The following PCDH7 variants were observed in gnomAD, a reference collection of about 807,000 sequenced individuals.
The protein encoded by PCDH7 is protocadherin 7, also known as protocadherin-7.
A neutral mutation model predicts 58.9 loss-of-function variants in PCDH7; 17 were observed. The ratio of observed to expected loss-of-function variants is 0.29; its 90% CI spans 0.20 to 0.43. The LOEUF (loss-of-function observed/expected upper bound fraction) is 0.43. Ranked by LOEUF, PCDH7 falls within the 20% of genes least tolerant of loss-of-function variation. The pLI is 1.00. For missense variants in PCDH7, 1,274 were observed against 1,441.0 expected (o/e 0.88, Z 1.88); for synonymous variants, 664 against 616.4 (o/e 1.08, Z -1.14).
intron 1 of PCDH7, among the ~76,000 whole-genome samples, chr4:30,891,208 A>T (rs1264714095): frequency 2.0e-5 from 3 of 152,104 alleles, no homozygotes; most frequent in African/African-American, 7.2e-5. Context: ...TTAATGGTAT[A>T]GTGAACAATT....
chr4:30,800,326 A>G (rs1725373301), intron 1 of PCDH7, among the ~76,000 whole-genome samples: 1 of 152,048 alleles, frequency 6.6e-6, no homozygotes, highest in Non-Finnish European at 1.5e-5. Flanking sequence ...ATACACATAC[A>G]TTTGTATATA....
intron 1 of PCDH7, among the ~76,000 whole-genome samples, chr4:30,882,994 C>T (rs1737193546): frequency 6.6e-6 from 1 of 152,222 alleles, no homozygotes; most frequent in African/African-American, 2.4e-5. Flanking sequence ...ATTTCCCTTT[C>T]AGTGTGATAC....
intron 3 of PCDH7, among the ~76,000 whole-genome samples, chr4:31,075,256 G>A (rs917115533): frequency 6.6e-6 from 1 of 151,998 alleles, no homozygotes; most frequent in African/African-American, 2.4e-5. Context: ...TCTTTTGCAT[G>A]GTACGATACT....
chr4:30,794,576 A>C (rs1177461175), intron 1 of PCDH7, among the ~76,000 whole-genome samples: 2 of 152,052 alleles, frequency 1.3e-5, no homozygotes, highest in African/African-American at 4.8e-5. Context: ...ATCTAATTTC[A>C]TTGTTATGCA....
At chr4:31,132,406 T>C (rs184773046) in intron 3 of PCDH7, among the ~76,000 whole-genome samples, 1 of 152,272 alleles carries the variant, frequency 6.6e-6, no homozygotes, top group East Asian at 1.9e-4. Context: ...CTTTATGTAC[T>C]ATTTTTAAAG....
intron 3 of PCDH7, among the ~76,000 whole-genome samples, chr4:31,097,607 TATA>T: frequency 3.3e-5 from 1 of 30,732 alleles, no homozygotes; most frequent in Non-Finnish European, 4.9e-5. Flanking sequence ...TATATATATA[TATA>T]TATATATATA....
intron 1 of PCDH7, among the ~76,000 whole-genome samples, chr4:30,880,196 T>C (rs940454751): frequency 2.0e-5 from 3 of 151,544 alleles, no homozygotes; most frequent in Non-Finnish European, 4.4e-5. Flanking sequence ...AAATAGTCAA[T>C]GGCAAAAGGC....
intron 3 of PCDH7, among the ~76,000 whole-genome samples, chr4:31,057,129 T>A (rs773130904): frequency 9.2e-5 from 14 of 152,202 alleles, no homozygotes; most frequent in Non-Finnish European, 1.8e-4. Context: ...CTGTGAGATC[T>A]TTTTTCTTAT....
chr4:30,723,690 G>C lies in PCDH7; in HGVS notation c.2268G>C (p.Ser756=), dbSNP rs201000020. Residue 756 remains serine, a synonymous_variant, in exon 1 of 2, where the codon TCG becomes TCC. Transcript: ENST00000361762. This position sits in a 1 kb window ranked among gnomAD's most constrained non-coding sequence, Gnocchi z 4.6. The stretch of plus-strand genomic sequence containing the variant: ...TTTCCTACACTTTACTGCCACCTTC[G>C]AGTAATGTCAGGACAGTAGTAGCTA... The C allele has an allele frequency of 5.6e-6, 9 of 1,614,094 alleles. No homozygotes were observed. Among genetic ancestry groups the C allele is most frequent in the Admixed American group, 1.7e-5 (1 of 60,024 alleles).
chr4:30,844,677 C>A (rs1275212240), intron 1 of PCDH7, among the ~76,000 whole-genome samples: 2 of 152,236 alleles, frequency 1.3e-5, no homozygotes, highest in East Asian at 3.9e-4. Flanking sequence ...ATATGTTTTG[C>A]TGTAGATATA....
At chr4:30,886,018 T>A (rs6834945) in intron 1 of PCDH7, among the ~76,000 whole-genome samples, 4,852 of 151,424 alleles carry the variant, frequency 0.032, 257 homozygotes, top group African/African-American at 0.11. Flanking sequence ...CCATAAAAAC[T>A]CTAGAAGAAA....
intron 3 of PCDH7, among the ~76,000 whole-genome samples, chr4:31,128,408 T>C (rs1718575766): frequency 6.6e-6 from 1 of 152,172 alleles, no homozygotes; most frequent in South Asian, 2.1e-4. Flanking sequence ...CAGTAGTTCT[T>C]ATCACAATGC....
intron 3 of PCDH7, among the ~76,000 whole-genome samples, chr4:31,017,310 A>T (rs2109162706): frequency 6.6e-6 from 1 of 152,300 alleles, no homozygotes; most frequent in East Asian, 1.9e-4. Context: ...TATTTTTTTA[A>T]AAAATAATTT....
chr4:30,721,654 G>C lies in PCDH7; in HGVS notation c.232G>C (p.Asp78His). 6.2e-7 allele frequency: 1 copy of C among 1,613,928 alleles called. No homozygotes were observed. The highest frequency in any genetic ancestry group is 1.6e-4 in the Middle Eastern group (1 of 6,062). ...GTCCGGTTCCGAGTACCTGAAGATC[G>C]ACAACCTCACTGGCGAGCTGAGCAC... The change falls in exon 1 of 2, where the codon GAC (aspartate) becomes CAC (histidine). Residue 78 changes from aspartate (D) to histidine (H), a missense_variant. Transcript: ENST00000361762. The surrounding 1 kb of genome is among the most constrained non-coding windows in gnomAD (Gnocchi z 6.7).
At chr4:30,868,802 T>G (rs1004237796) in intron 1 of PCDH7, among the ~76,000 whole-genome samples, 6 of 152,120 alleles carry the variant, frequency 3.9e-5, no homozygotes, top group Non-Finnish European at 8.8e-5. Flanking sequence ...TTGTGATGCA[T>G]CTGTATAGCC....
intron 1 of PCDH7, among the ~76,000 whole-genome samples, chr4:30,866,697 CAA>C (rs201849602): frequency 3.2e-4 from 41 of 127,688 alleles, no homozygotes; most frequent in Admixed American, 4.7e-4. Context: ...GAATCTCTGG[CAA>C]AAAAAAAAAA....
intron 1 of PCDH7, among the ~76,000 whole-genome samples, chr4:30,815,080 A>C (rs1727500034): frequency 1.3e-5 from 2 of 152,132 alleles, no homozygotes; most frequent in South Asian, 4.1e-4. Flanking sequence ...TACAACGGAT[A>C]TTATAAATAT....
intron 1 of PCDH7, among the ~76,000 whole-genome samples, chr4:30,905,489 TAAAAG>T (rs1740803529): frequency 6.6e-6 from 1 of 150,956 alleles, no homozygotes; most frequent in Admixed American, 6.6e-5. Flanking sequence ...ACCACAAAAA[TAAAAG>T]AAACCTTTGC....
intron 1 of PCDH7, among the ~76,000 whole-genome samples, chr4:30,738,840 G>A (rs1716667041): frequency 6.6e-6 from 1 of 151,970 alleles, no homozygotes; most frequent in African/African-American, 2.4e-5. Context: ...AGTCTCAGTG[G>A]ATTTTCATGC....
Sources: gnomAD v4.1 joint callset for allele counts (sites outside exome capture counted in the v4.1 genomes callset) on GRCh38, gnomAD v4.1.1 for gene constraint, Gnocchi (gnomAD v3.1) non-coding constraint, MANE v1.5 for transcripts, NCBI Gene and HGNC (gene_info 2026-07-23, HGNC 2026-07-21) for gene names.